Variants in TTN observed in about 807,000 individuals in gnomAD.
TTN encodes the protein titin.
Under a neutral mutation model 3,223.0 loss-of-function variants are expected in TTN, and 1,525 were observed. That is an observed-to-expected ratio of 0.47 (90% CI 0.45 to 0.49). TTN has a LOEUF of 0.49. Ranked by LOEUF, TTN falls within the 20% of genes least tolerant of loss-of-function variation. The pLI is 0.00. For synonymous variants in TTN, 14,094 were observed against 15,161.0 expected, an observed-to-expected ratio of 0.93 and a Z score of 5.17; for missense variants, 40,786 against 43,424.0, an observed-to-expected ratio of 0.94 and a Z score of 5.40.
At position 178,673,684 on chromosome 2, in the gene TTN, G is replaced by C; in HGVS notation, c.34735C>G (p.Pro11579Ala). ...RVPEVIKKAVPEAPTPVPKKV... is the reference protein window; with the variant it reads ...RVPEVIKKAVAEAPTPVPKKV... ...TTAGGAACAGGAGTAGGTGCTTCAG[G>C]TACTGCTTTCTTAATCACTTCAGGC... The change falls in exon 152 of 363, where the codon CCT becomes GCT. Residue 11579 changes from proline to alanine, a missense_variant. Physicochemically the swap from Pro to Ala is conservative, Grantham distance 27 (BLOSUM62 -1). Transcript: ENST00000589042. 1 of 1,590,320 alleles carries C rather than the reference G, an allele frequency of 6.3e-7. No homozygotes were observed. Among genetic ancestry groups the C allele is most frequent in the Non-Finnish European group, 8.5e-7 (1 of 1,170,640 alleles).
rs373169150 is a variant in TTN at position 178,587,943 on chromosome 2, C to T, written c.63464G>A (p.Arg21155His). The change falls in exon 305 of 363, where the codon CGC becomes CAC. Residue 21155 changes from arginine to histidine, a missense_variant. Transcript: ENST00000589042. The stretch of plus-strand genomic sequence containing the variant: ...GATAGCTTCCTTTAGCTCTGCAGGG[C>T]GCCCAATACCAACTTGGTTTTGGGC... The part of the protein sequence containing the change: ...VCAQNQVGIG[R>H]PAELKEAIKP... 97 of 1,607,430 alleles carry T rather than the reference C, an allele frequency of 6.0e-5. No individual in the cohort carries two copies. Among genetic ancestry groups the T allele is most frequent in the Middle Eastern group, 1.7e-4 (1 of 6,054 alleles).
chr2:178,595,360 C>T (rs2051267472), intron 295 of TTN, 147 bp downstream of exon 295: 1 of 715,844 alleles, frequency 1.4e-6, no homozygotes. Context: ...TGTCCAAATA[C>T]TACCAAATCA....
Position 178,590,084 on chromosome 2 carries a change from A to G in TTN, c.61641T>C (p.Tyr20547=). The change falls in exon 304 of 363, where the codon TAT becomes TAC. Residue 20547 remains tyrosine (Y), a synonymous_variant. Transcript: ENST00000589042. ...KEAVRADHGK[Y]IISAKNSSGH... is the part of the protein sequence containing the mutation. ...CACTGCTGTTCTTAGCTGAGATGATATACTTGCCATGATCAGCTCTAACAG... is the reference window on the plus strand; with the variant it reads ...CACTGCTGTTCTTAGCTGAGATGATGTACTTGCCATGATCAGCTCTAACAG... 6.2e-7 allele frequency: 1 copy of G among 1,613,248 alleles called. No individual in the cohort carries two copies. The highest frequency in any genetic ancestry group is 8.5e-7 in the Non-Finnish European group (1 of 1,179,488).
Position 178,568,486 on chromosome 2 carries a change from G to A in TTN, c.77646C>T (p.Ser25882=), listed in dbSNP as rs901702412. 6.2e-7 allele frequency: 1 copy of A among 1,613,362 alleles called. No homozygotes were observed. Among genetic ancestry groups the A allele is most frequent in the South Asian group, 1.1e-5 (1 of 91,064 alleles). ...VANVVGQKTA[S]IEIVTLDKPD... ...GTTTATCTAGAGTTACAATTTCGAT[G>A]GATGCTGTCTTCTGACCAACAACAT... Residue 25882 remains serine (S), a synonymous_variant, in exon 326 of 363, where the codon TCC becomes TCT. Transcript: ENST00000589042.
chr2:178,639,295 AAT>A lies in TTN; in HGVS notation c.40876+402_40876+403del, dbSNP rs1404088118. ...ATTTCCAGAACTTTTACATTATCCC[AAT>A]ATACACACTTTTTTAAAAAAGAGAA... On this transcript the variant is annotated intron_variant, in intron 223 of 362. Coordinates refer to ENST00000589042, the MANE Select transcript of TTN (RefSeq NM_001267550.2). Among the ~76,000 whole-genome samples the A allele has an allele frequency of 2.6e-5, 4 of 152,160 alleles. No individual in the cohort carries two copies. In the East Asian group the frequency reaches 7.8e-4, roughly 30 times the overall value.
chr2:178,580,561 AAT>A lies in TTN; in HGVS notation c.66816_66817del (p.Leu22273ThrfsTer24), dbSNP rs2154176484. ...TAGTCTCATAGTAACTCCAGCACGT[AAT>A]ATGAGTGTCTTCCTTAAGTCCGCAT... On this transcript the variant is annotated frameshift_variant, in exon 317 of 363. Transcript: ENST00000589042. LOFTEE classifies it high-confidence loss of function. The A allele has an allele frequency of 6.2e-7, 1 of 1,612,410 alleles. No individual in the cohort carries two copies. The highest frequency in any genetic ancestry group is 8.5e-7 in the Non-Finnish European group (1 of 1,179,204).
chr2:178,584,334 T>A lies in TTN; in HGVS notation c.65217A>T (p.Lys21739Asn), dbSNP rs1457832691. ...GTTTGCTGGGTGGGCTGGATCCAGCTTTGTTTAGGGCATAGATTCTGAATG... is the reference window on the plus strand; with the variant it reads ...GTTTGCTGGGTGGGCTGGATCCAGCATTGTTTAGGGCATAGATTCTGAATG... ...EYSFRIYALN[K>N]AGSSPPSKPT... The change falls in exon 311 of 363, where the codon AAA becomes AAT. Residue 21739 changes from lysine to asparagine, a missense_variant. Physicochemically the swap from Lys to Asn is moderately conservative, Grantham distance 94 (BLOSUM62 0). Transcript: ENST00000589042. 1 of 1,606,972 alleles carries A rather than the reference T, an allele frequency of 6.2e-7. No homozygotes were observed. Among genetic ancestry groups the A allele is most frequent in the Admixed American group, 1.7e-5 (1 of 59,824 alleles).
chr2:178,698,536 GA>G (rs576756694), intron 112 of TTN, among the ~76,000 whole-genome samples: 1 of 149,722 alleles, frequency 6.7e-6, no homozygotes, highest in African/African-American at 2.5e-5. Flanking sequence ...AAATAAAAAA[GA>G]AAAAAAAAGA....
chr2:178,600,260 T>C (rs1055686450), intron 288 of TTN, among the ~76,000 whole-genome samples: 1 of 151,722 alleles, frequency 6.6e-6, no homozygotes, highest in African/African-American at 2.4e-5. Context: ...AATATAACTG[T>C]TAATAAAAGG....
At position 178,577,120 on chromosome 2, in the gene TTN, AT is replaced by A; in HGVS notation, c.69214del (p.Ile23072LeufsTer46). The A allele has an allele frequency of 1.2e-6, 2 of 1,613,232 alleles. No homozygotes were observed. Among genetic ancestry groups the A allele is most frequent in the Non-Finnish European group, 1.7e-6 (2 of 1,179,522 alleles). Reference sequence around the variant, plus strand: ...TCTCTTTTCAAGTATATAGGACTTAATTGGTGAGCCGCCATCTTCCAAGGGA... The same window carrying A: ...TCTCTTTTCAAGTATATAGGACTTAATGGTGAGCCGCCATCTTCCAAGGGA... ...TPPLEDGGSP[I>X]KSYILEKRET... On this transcript the variant is annotated frameshift_variant, in exon 324 of 363. Transcript: ENST00000589042. LOFTEE classifies it high-confidence loss of function.
At position 178,800,575 on chromosome 2, in the gene TTN, C is replaced by T; in HGVS notation, c.403G>A (p.Val135Met). 1 of 1,614,110 alleles carries T rather than the reference C, an allele frequency of 6.2e-7. No homozygotes were observed. The highest frequency in any genetic ancestry group is 8.5e-7 in the Non-Finnish European group (1 of 1,179,988). The change falls in exon 4 of 363, where the codon GTG (valine) becomes ATG (methionine). Residue 135 changes from valine (V) to methionine (M), a missense_variant. Transcript: ENST00000589042. ...VRVTGIPTPV[V>M]KFYRDGAEIQ... ...TCGGCTCCATCCCGGTAGAACTTCA[C>T]CACAGGTGTAGGGATTCCAGTCACT...
chr2:178,552,579 A>G lies in TTN; in HGVS notation c.90321T>C (p.Asn30107=), dbSNP rs2154151372. The part of the protein sequence containing the change: ...SVLEFRVFAK[N]EKGLSDPVTI... Reference sequence around the variant, plus strand: ...TGACAGGATCACTCAGTCCTTTCTCATTTTTGGCAAACACTCTGAACTCCA... The same window carrying G: ...TGACAGGATCACTCAGTCCTTTCTCGTTTTTGGCAAACACTCTGAACTCCA... The change falls in exon 335 of 363, where the codon AAT becomes AAC. Residue 30107 remains asparagine (N), a synonymous_variant. Coordinates refer to ENST00000589042, the MANE Select transcript of TTN (RefSeq NM_001267550.2). 6.2e-7 allele frequency: 1 copy of G among 1,613,766 alleles called. No individual in the cohort carries two copies. Among genetic ancestry groups the G allele is most frequent in the East Asian group, 2.2e-5 (1 of 44,818 alleles).
At chr2:178,581,471 C>T (rs765576670) in intron 316 of TTN, 28 bp downstream of exon 316, 3 of 1,544,892 alleles carry the variant, frequency 1.9e-6, no homozygotes, top group South Asian at 1.2e-5. Context: ...TAGGAAAAGC[C>T]TTATGTACTC....
Position 178,706,724 on chromosome 2 carries a change from A to G in TTN, c.29150T>C (p.Phe9717Ser). The part of the protein sequence containing the change: ...IRVVEKTTAT[F>S]IAKVGGDPIP... Reference sequence around the variant, plus strand: ...TGGGTCACCTCCAACTTTTGCAATGAAGGTCGCAGTGGTTTCTAAGGAATA... The same window carrying G: ...TGGGTCACCTCCAACTTTTGCAATGGAGGTCGCAGTGGTTTCTAAGGAATA... Residue 9717 changes from phenylalanine (F) to serine (S), a missense_variant, in exon 102 of 363, where the codon TTC (phenylalanine) becomes TCC (serine). Phe to Ser is a radical substitution (Grantham distance 155, BLOSUM62 -2). Transcript: ENST00000589042. The G allele has an allele frequency of 1.2e-6, 2 of 1,608,440 alleles. No individual in the cohort carries two copies. Among genetic ancestry groups the G allele is most frequent in the Non-Finnish European group, 1.7e-6 (2 of 1,176,308 alleles).
chr2:178,626,702 A>G (rs2059107091), intron 240 of TTN, among the ~76,000 whole-genome samples: 1 of 151,972 alleles, frequency 6.6e-6, no homozygotes, highest in South Asian at 2.1e-4. Context: ...TGCCCTTGGA[A>G]CAGAGCTACT....
intron 223 of TTN, among the ~76,000 whole-genome samples, chr2:178,639,467 G>A (rs943729455): frequency 2.6e-5 from 4 of 151,956 alleles, no homozygotes; most frequent in African/African-American, 9.7e-5. Flanking sequence ...GAAAGAAATG[G>A]TGCAACCCAG....
rs770133378 is a variant in TTN, at chr2:178,712,506, G to A, written c.27416C>T (p.Pro9139Leu). 1.4e-5 allele frequency: 22 copies of A among 1,613,640 alleles called. No homozygotes were observed. In the South Asian group the frequency reaches 2.4e-4, roughly 18 times the overall value. The change falls in exon 95 of 363, where the codon CCT (proline) becomes CTT (leucine). Residue 9139 changes from proline (P) to leucine (L), a missense_variant. Transcript: ENST00000589042. ...LILEGTFTGT[P>L]PISVTWKKNG... ...TTTCTTCCAGGTAACCGAAATGGGA[G>A]GAGTTCCAGTGAATGTACCCTCTAG...
chr2:178,687,428 A>C (rs1189130839), intron 127 of TTN, among the ~76,000 whole-genome samples: 1 of 144,222 alleles, frequency 6.9e-6, no homozygotes, highest in East Asian at 1.9e-4. Context: ...TATAGGTATG[A>C]AAAGATCTGA....
chr2:178,770,777 C>T (rs2091352713), intron 34 of TTN, 102 bp from the exon 35 acceptor site: 1 of 1,418,084 alleles, frequency 7.1e-7, no homozygotes, highest in Non-Finnish European at 9.8e-7. Flanking sequence ...AAAAGAATGG[C>T]TACCAAACAT....
Sources: allele counts gnomAD v4.1 joint callset (sites outside exome capture counted in the v4.1 genomes callset), GRCh38; gene constraint gnomAD v4.1.1; transcripts MANE v1.5; gene names NCBI Gene and HGNC (gene_info 2026-07-23, HGNC 2026-07-21).